Variants in LRRIQ1 observed in about 807,000 individuals in gnomAD.
LRRIQ1 encodes the protein leucine-rich repeat- and IQ domain-containing protein 1.
Under a neutral mutation model 211.9 loss-of-function variants are expected in LRRIQ1, and 210 were observed. That is an observed-to-expected ratio of 0.99 (90% CI 0.89 to 1.11). The LOEUF is 1.11. LRRIQ1 is among the 50% of genes most tolerant of loss of function. The pLI, the probability that LRRIQ1 is intolerant of heterozygous loss-of-function variation, is 0.00. For synonymous variants in LRRIQ1, 699 were observed against 650.1 expected, an observed-to-expected ratio of 1.08 and a Z score of -1.14; for missense variants, 2,136 against 1,939.5, an observed-to-expected ratio of 1.10 and a Z score of -1.90.
At position 85,245,049 on chromosome 12, in the gene LRRIQ1, T is replaced by G. The variant is rs1895656495; in HGVS notation, c.*108T>G. The G allele has an allele frequency of 1.4e-6, 2 of 1,411,924 alleles. No individual in the cohort carries two copies. The allele number at this position is 1,411,924 out of a possible 1,614,324, so 87.5% of individuals were successfully genotyped here. Reference sequence around the variant, plus strand: ...CCCAAAAATGTGTATTTAAATTTTTTCTTTCTTTAAATATCCTCTTTTGAT... The same window carrying G: ...CCCAAAAATGTGTATTTAAATTTTTGCTTTCTTTAAATATCCTCTTTTGAT... On this transcript the variant is annotated 3_prime_UTR_variant, in exon 27 of 27. Coordinates refer to ENST00000393217, the MANE Select transcript of LRRIQ1 (RefSeq NM_001079910.2).
At chr12:85,041,012 T>G (rs187222947) in intron 3 of LRRIQ1, among the ~76,000 whole-genome samples, 54 of 151,850 alleles carry the variant, frequency 3.6e-4, no homozygotes, top group African/African-American at 1.3e-3. Flanking sequence ...GGAATTGTTC[T>G]AAGACTAATG....
At chr12:85,240,730 ATTATG>A (rs372549327) in intron 26 of LRRIQ1, among the ~76,000 whole-genome samples, 1 of 152,244 alleles carries the variant, frequency 6.6e-6, no homozygotes, top group East Asian at 1.9e-4. Context: ...TCTCAAGAAC[ATTATG>A]TTGAGTTAAA....
the LRRIQ1 span, among the ~76,000 whole-genome samples, chr12:85,271,011 A>G: frequency 6.6e-6 from 1 of 152,220 alleles, no homozygotes; most frequent in Non-Finnish European, 1.5e-5. Context: ...CTAGAATGAT[A>G]CAATAGTTAT....
chr12:85,173,803 G>T (rs150328552), intron 24 of LRRIQ1, among the ~76,000 whole-genome samples: 3 of 152,152 alleles, frequency 2.0e-5, no homozygotes, highest in Non-Finnish European at 4.4e-5. Context: ...CACATTGGGG[G>T]TTAGGGTTTC....
intron 24 of LRRIQ1, among the ~76,000 whole-genome samples, chr12:85,184,966 G>A (rs1892160654): frequency 6.6e-6 from 1 of 151,888 alleles, no homozygotes; most frequent in South Asian, 2.1e-4. Flanking sequence ...TTTAAAGTAA[G>A]CTAAGGTTTA....
intron 7 of LRRIQ1, among the ~76,000 whole-genome samples, chr12:85,054,104 T>C (rs1035202187): frequency 1.3e-5 from 2 of 152,196 alleles, no homozygotes; most frequent in Non-Finnish European, 2.9e-5. Context: ...GCTTTAGGAT[T>C]TTTCATTTTA....
In LRRIQ1 at chr12:85,075,397, C is replaced by T. The variant is rs139365274; in HGVS notation, c.2887+2299C>T. On this transcript the variant is annotated intron_variant, in intron 11 of 26. Transcript: ENST00000393217. ...TTGGCTCATGGTTCTGCAGGCTTTA[C>T]AGGAAGCATGGTACTGACATCTGCT... Among the ~76,000 whole-genome samples the T allele has an allele frequency of 3.4e-3, 518 of 152,120 alleles. 12 individuals are homozygous for T. Among genetic ancestry groups the T allele is most frequent in the Admixed American group, 0.025 (386 of 15,244 alleles).
rs1878437329 is a variant in LRRIQ1 at position 85,038,309 on chromosome 12, G to A, written c.132+1G>A. The stretch of plus-strand genomic sequence containing the variant: ...AACCCAGAGTGATGATAGTGATACA[G>A]TGAGTATTGCACTTTTGAGCCTTTT... On this transcript the variant is annotated splice_donor_variant, in intron 2 of 26. Coordinates refer to ENST00000393217, the MANE Select transcript of LRRIQ1 (RefSeq NM_001079910.2). LOFTEE classifies it high-confidence loss of function. 1 of 1,551,360 alleles carries A rather than the reference G, an allele frequency of 6.4e-7. No individual in the cohort carries two copies. Among genetic ancestry groups the A allele is most frequent in the East Asian group, 2.4e-5 (1 of 41,392 alleles).
intron 11 of LRRIQ1, among the ~76,000 whole-genome samples, chr12:85,094,317 G>A (rs1335406801): frequency 6.6e-6 from 1 of 152,036 alleles, no homozygotes; most frequent in African/African-American, 2.4e-5. Context: ...GTGGTGAGTT[G>A]TATAATTATT....
At chr12:85,131,793 G>A (rs370160577) in intron 18 of LRRIQ1, among the ~76,000 whole-genome samples, 1 of 152,100 alleles carries the variant, frequency 6.6e-6, no homozygotes, top group African/African-American at 2.4e-5. Flanking sequence ...GTCCAGTAGA[G>A]AATTGTCAGG....
At chr12:85,130,862 A>G (rs1388658285) in intron 18 of LRRIQ1, among the ~76,000 whole-genome samples, 1 of 152,112 alleles carries the variant, frequency 6.6e-6, no homozygotes, top group African/African-American at 2.4e-5. Flanking sequence ...ATAGAGCCAG[A>G]CTAGATTTCC....
rs771612619 is a variant in LRRIQ1 at position 85,056,680 on chromosome 12, A to G, written c.1887A>G (p.Ile629Met). The G allele has an allele frequency of 1.2e-6, 2 of 1,605,778 alleles. No homozygotes were observed. Among genetic ancestry groups the G allele is most frequent in the Non-Finnish European group, 1.7e-6 (2 of 1,176,778 alleles). ...CCAAAGATGTAAGAGAAAACGTAAT[A>G]TTACAAGAAAAAGAAATTTATTCAA... The part of the protein sequence containing the change: ...ENSKDVRENV[I>M]LQEKEIYSKS... The change falls in exon 8 of 27, where the codon ATA becomes ATG. Residue 629 changes from isoleucine to methionine, a missense_variant. By Grantham distance (10) the Ile-to-Met change is conservative (BLOSUM62 1). Coordinates refer to ENST00000393217, the MANE Select transcript of LRRIQ1 (RefSeq NM_001079910.2).
intron 18 of LRRIQ1, 127 bp from the exon 19 acceptor site, chr12:85,137,723 G>A: frequency 1.4e-6 from 1 of 740,086 alleles, no homozygotes; most frequent in South Asian, 3.6e-5. Context: ...ATAAAGTTCA[G>A]AAAACAGATT....
At chr12:85,256,795 G>A (rs922936138) in intron 1 of LRRIQ1, among the ~76,000 whole-genome samples, 1 of 150,666 alleles carries the variant, frequency 6.6e-6, no homozygotes, top group African/African-American at 2.4e-5. Flanking sequence ...CGTGTTGAAT[G>A]AATATGTAAA....
chr12:85,108,984 A>T (rs74111837), intron 15 of LRRIQ1, among the ~76,000 whole-genome samples: 6,611 of 152,226 alleles, frequency 0.043, 169 homozygotes, highest in African/African-American at 0.053. Context: ...AACTAAAAAA[A>T]AAATAGCTAT....
At chr12:85,160,855 A>G in intron 24 of LRRIQ1, 141 bp downstream of exon 24, 1 of 347,058 alleles carries the variant, frequency 2.9e-6, no homozygotes, top group East Asian at 4.7e-5. Flanking sequence ...AATAACTCAA[A>G]ATATGGCTCT....
intron 24 of LRRIQ1, among the ~76,000 whole-genome samples, chr12:85,228,745 C>A (rs1306338726): frequency 6.6e-6 from 1 of 152,178 alleles, no homozygotes; most frequent in Non-Finnish European, 1.5e-5. Flanking sequence ...ATGCTTTATT[C>A]ATTTTCCAAA....
In LRRIQ1 at chr12:85,039,531, G is replaced by T. The variant is rs533866924; in HGVS notation, c.133-959G>T. On this transcript the variant is annotated intron_variant, in intron 2 of 26. Coordinates refer to ENST00000393217, the MANE Select transcript of LRRIQ1 (RefSeq NM_001079910.2). Reference sequence around the variant, plus strand: ...CATTTTATGACATATAATTTTACATGCTTTTCTGTAGTACTAAAAGAAAGG... The same window carrying T: ...CATTTTATGACATATAATTTTACATTCTTTTCTGTAGTACTAAAAGAAAGG... Among the ~76,000 whole-genome samples the T allele has an allele frequency of 3.3e-5, 5 of 151,598 alleles. No homozygotes were observed. In the South Asian group the frequency reaches 1.0e-3, roughly 32 times the overall value.
At chr12:85,147,520 T>C (rs1889969189) in intron 19 of LRRIQ1, among the ~76,000 whole-genome samples, 1 of 151,778 alleles carries the variant, frequency 6.6e-6, no homozygotes, top group Non-Finnish European at 1.5e-5. Flanking sequence ...TGGCTTTTCA[T>C]GTGGCAGACC....
Sources: gnomAD v4.1 joint callset for allele counts (sites outside exome capture counted in the v4.1 genomes callset) on GRCh38, gnomAD v4.1.1 for gene constraint, MANE v1.5 for transcripts, NCBI Gene and HGNC (gene_info 2026-07-23, HGNC 2026-07-21) for gene names.